DAB1: variants seen among roughly 807,000 people sequenced by gnomAD.
The protein encoded by DAB1 is DAB adaptor protein 1, also known as disabled homolog 1.
In DAB1, 15 loss-of-function variants were observed where a neutral mutation model predicts 64.6. The ratio of observed to expected loss-of-function variants is 0.23; its 90% CI spans 0.16 to 0.36. The LOEUF (loss-of-function observed/expected upper bound fraction) is 0.36. Among genes scored for constraint, DAB1 ranks in the 10% least tolerant of loss-of-function variants. DAB1 has a pLI of 1.00. For missense variants in DAB1, 596 were observed against 706.7 expected, an observed-to-expected ratio of 0.84 and a Z score of 1.78; for synonymous variants, 235 against 251.9, an observed-to-expected ratio of 0.93 and a Z score of 0.64.
chr1:57,290,987 G>T lies in DAB1; in HGVS notation c.44C>A (p.Ala15Asp). ...ACCTTTCTTTCTGGAGTCTTTCTTG[G>T]CGCTGGTTTTCACAGCTACTTGAAG... ...TELQVAVKTS[A>D]KKDSRKKGQD... The change falls in exon 2 of 15, where the codon GCC becomes GAC. Residue 15 changes from alanine to aspartate, a missense_variant. Physicochemically the swap from Ala to Asp is moderately radical, Grantham distance 126. Transcript: ENST00000371236. 6 of 1,609,928 alleles carry T rather than the reference G, an allele frequency of 3.7e-6. No homozygotes were observed. Among genetic ancestry groups the T allele is most frequent in the Middle Eastern group, 1.7e-4 (1 of 6,038 alleles).
chr1:57,064,919 T>C (rs556313597), intron 8 of DAB1, among the ~76,000 whole-genome samples: 68 of 152,212 alleles, frequency 4.5e-4, no homozygotes, highest in Non-Finnish European at 7.1e-4. Context: ...AGAGTCCTTG[T>C]TAATGAGGGC....
At chr1:58,500,165 G>C (rs1475231375) in intron 3 of DAB1, among the ~76,000 whole-genome samples, 2 of 152,062 alleles carry the variant, frequency 1.3e-5, no homozygotes. Flanking sequence ...GCCTCAAGTA[G>C]ATACACATCA....
chr1:58,189,817 C>T (rs1657288381), intron 4 of DAB1, among the ~76,000 whole-genome samples: 1 of 152,238 alleles, frequency 6.6e-6, no homozygotes. Flanking sequence ...ATCAGTTCTT[C>T]TCCCTTCCTC....
intron 4 of DAB1, among the ~76,000 whole-genome samples, chr1:57,134,954 G>A (rs1360724663): frequency 6.6e-6 from 1 of 152,174 alleles, no homozygotes; most frequent in East Asian, 1.9e-4. Flanking sequence ...ATATGTATTT[G>A]ATAAAGTAGC....
At chr1:57,988,310 C>A (rs369403252) in intron 5 of DAB1, among the ~76,000 whole-genome samples, 16 of 152,190 alleles carry the variant, frequency 1.1e-4, no homozygotes, top group African/African-American at 3.1e-4. Flanking sequence ...ACCTGCATAC[C>A]AATTCTGCCC....
At chr1:57,119,357 A>G (rs1031185949) in intron 4 of DAB1, among the ~76,000 whole-genome samples, 6 of 152,212 alleles carry the variant, frequency 3.9e-5, no homozygotes, top group African/African-American at 1.4e-4. Flanking sequence ...GTGATTTCTG[A>G]AAGACTGGAT....
Position 57,695,276 on chromosome 1 carries a change from GGA to G in DAB1, n.552-45613_552-45612del, listed in dbSNP as rs1557427579. On this transcript the variant is annotated intron_variant and non_coding_transcript_variant, in intron 6 of 20. Coordinates refer to the DAB1 transcript ENST00000485760. ...AAGAAAGAAGGAAGGAAGGAAGGAA[GGA>G]AGGAAGAAAGGGAGAGAGAAGGAAA... is the stretch of plus-strand genomic sequence containing the variant. Among the ~76,000 whole-genome samples the G allele has an allele frequency of 8.7e-3, 1,026 of 118,332 alleles. 242 individuals carry two copies. The highest frequency in any genetic ancestry group is 0.026 in the African/African-American group (813 of 31,110). 77.6% of individuals were successfully genotyped at this position (118,332 alleles called of 152,430 possible). A position where few individuals can be genotyped will look rare whatever the true frequency, so the allele number is the denominator to read the frequency against.
chr1:57,282,182 C>CAAA (rs61512431), intron 2 of DAB1, among the ~76,000 whole-genome samples: 927 of 92,630 alleles, frequency 0.01, 94 homozygotes, highest in Non-Finnish European at 0.015. Context: ...GCCTTCTTCT[C>CAAA]AAAAAAAAAA....
At chr1:57,178,018 G>A (rs1213091101) in intron 2 of DAB1, among the ~76,000 whole-genome samples, 1 of 152,078 alleles carries the variant, frequency 6.6e-6, no homozygotes, top group African/African-American at 2.4e-5. Flanking sequence ...TCTGTAAAAT[G>A]GGGCTATGAC....
At chr1:58,408,309 C>T (rs1644636387) in intron 3 of DAB1, among the ~76,000 whole-genome samples, 1 of 152,240 alleles carries the variant, frequency 6.6e-6, no homozygotes, top group East Asian at 1.9e-4. Context: ...CAAGTCTCAA[C>T]TCAGTTGATA....
intron 5 of DAB1, among the ~76,000 whole-genome samples, chr1:58,132,006 G>C (rs1653623694): frequency 6.6e-6 from 1 of 152,056 alleles, no homozygotes; most frequent in Admixed American, 6.5e-5. Flanking sequence ...CTTCCTGGCT[G>C]CTTTCTTTAC....
chr1:57,408,191 T>C (rs2101049684), intron 1 of DAB1, among the ~76,000 whole-genome samples: 1 of 152,336 alleles, frequency 6.6e-6, no homozygotes, highest in South Asian at 2.1e-4. Flanking sequence ...ACATCGTGTT[T>C]CCATTCATTC....
intron 6 of DAB1, among the ~76,000 whole-genome samples, chr1:57,765,589 C>CAAA (rs1484963970): frequency 6.6e-6 from 1 of 152,108 alleles, no homozygotes; most frequent in East Asian, 1.9e-4. Context: ...TTCGTGCCCT[C>CAAA]TGCCTTACCA....
chr1:57,204,451 T>TA (rs10548857), intron 2 of DAB1, among the ~76,000 whole-genome samples: 1,340 of 127,572 alleles, frequency 0.011, 36 homozygotes, highest in East Asian at 0.099. Flanking sequence ...GGTCTAGATT[T>TA]AAAAAAAAAA....
At chr1:57,568,356 A>T (rs1168053976) in intron 7 of DAB1, among the ~76,000 whole-genome samples, 1 of 152,344 alleles carries the variant, frequency 6.6e-6, no homozygotes, top group East Asian at 1.9e-4. Flanking sequence ...CATTCAGGAC[A>T]TAGGCATGGG....
chr1:58,425,383 C>T (rs372888604), intron 3 of DAB1, among the ~76,000 whole-genome samples: 5 of 152,206 alleles, frequency 3.3e-5, no homozygotes, highest in Non-Finnish European at 7.3e-5. Context: ...TTTCCCTGCC[C>T]GTTCCTAGGC....
At chr1:57,523,029 G>T (rs543086376) in intron 7 of DAB1, among the ~76,000 whole-genome samples, 1 of 152,184 alleles carries the variant, frequency 6.6e-6, no homozygotes, top group African/African-American at 2.4e-5. Flanking sequence ...TTGAGACTCA[G>T]ACTGGCTTTC....
At chr1:58,083,453 C>A (rs763204753) in intron 5 of DAB1, among the ~76,000 whole-genome samples, 2 of 152,148 alleles carry the variant, frequency 1.3e-5, no homozygotes, top group Non-Finnish European at 2.9e-5. Context: ...GTGTGCGGGG[C>A]AGCTTAGTAA....
chr1:58,077,377 C>T (rs991863627), intron 5 of DAB1, among the ~76,000 whole-genome samples: 1 of 152,062 alleles, frequency 6.6e-6, no homozygotes, highest in Non-Finnish European at 1.5e-5. Context: ...CACAGCAAGC[C>T]GAGAAACGAC....
Sources: allele counts gnomAD v4.1 joint callset (sites outside exome capture counted in the v4.1 genomes callset), GRCh38; gene constraint gnomAD v4.1.1; transcripts MANE v1.5; gene names NCBI Gene and HGNC (gene_info 2026-07-23, HGNC 2026-07-21).